MFSD1: variants seen among roughly 807,000 people sequenced by gnomAD.
MFSD1 encodes the protein major facilitator superfamily domain containing 1.
MFSD1 carries 59 observed loss-of-function variants against 67.1 expected under a neutral mutation model. The observed-to-expected ratio is 0.88, with a 90% CI of 0.71 to 1.09. The LOEUF (loss-of-function observed/expected upper bound fraction) is 1.09. Ranked by LOEUF, MFSD1 falls within the 50% of genes least tolerant of loss-of-function variation. The pLI, the probability that MFSD1 is intolerant of heterozygous loss-of-function variation, is 0.00. For synonymous variants in MFSD1, 213 were observed against 200.3 expected, an observed-to-expected ratio of 1.06 and a Z score of -0.54; for missense variants, 552 against 566.1, an observed-to-expected ratio of 0.97 and a Z score of 0.25.
At chr3:158,823,186 A>G (rs1045812864) in intron 11 of MFSD1, 28 of 445,192 alleles carry the variant, frequency 6.3e-5, no homozygotes, top group Non-Finnish European at 1.1e-4. Context: ...CCAGTTACAT[A>G]TGCATATAAT....
intron 3 of MFSD1, 100 bp from the exon 4 acceptor site, chr3:158,806,940 T>C: frequency 1.0e-6 from 1 of 993,508 alleles, no homozygotes; most frequent in Non-Finnish European, 1.5e-6. Context: ...AGTGAATTAT[T>C]ACTAAAGGAC....
At position 158,802,169 on chromosome 3, in the gene MFSD1, A is replaced by C; in HGVS notation, c.17A>C (p.Glu6Ala). MEEEDEEARALLAGGP... is the reference protein window; with the variant it reads MEEEDAEARALLAGGP... ...GCGGGCGCAATGGAGGAGGAGGATGAGGAAGCGCGGGCGCTCCTGGCAGGC... is the reference window on the plus strand; with the variant it reads ...GCGGGCGCAATGGAGGAGGAGGATGCGGAAGCGCGGGCGCTCCTGGCAGGC... Residue 6 changes from glutamate to alanine, a missense_variant, in exon 1 of 16, where the codon GAG becomes GCG. By Grantham distance (107) the Glu-to-Ala change is moderately radical (BLOSUM62 -1). Coordinates refer to ENST00000415822, the MANE Select transcript of MFSD1 (RefSeq NM_022736.4). The C allele has an allele frequency of 6.2e-7, 1 of 1,612,602 alleles. No homozygotes were observed. Among genetic ancestry groups the C allele is most frequent in the Non-Finnish European group, 8.5e-7 (1 of 1,179,644 alleles).
At position 158,829,008 on chromosome 3, in the gene MFSD1, A is replaced by C. The variant is rs759874864; in HGVS notation, c.*26A>C. On this transcript the variant is annotated 3_prime_UTR_variant, in exon 16 of 16. Transcript: ENST00000415822. ...GAAGTTAAAATGAATGTGTCATGAG[A>C]ATGGGCTTAACACATCGTTGGTTTG... 1 of 1,603,312 alleles carries C rather than the reference A, an allele frequency of 6.2e-7. No individual in the cohort carries two copies. Among genetic ancestry groups the C allele is most frequent in the Admixed American group, 1.7e-5 (1 of 58,568 alleles).
chr3:158,806,965 T>C (rs1238882161), intron 3 of MFSD1, 75 bp from the exon 4 acceptor site: 5 of 1,260,620 alleles, frequency 4.0e-6, no homozygotes, highest in Non-Finnish European at 5.6e-6. Flanking sequence ...TGATTACTAA[T>C]ACTAATGTAA....
intron 6 of MFSD1, among the ~76,000 whole-genome samples, chr3:158,811,300 C>T (rs1336328332): frequency 6.6e-6 from 1 of 152,194 alleles, no homozygotes; most frequent in Non-Finnish European, 1.5e-5. Context: ...TTTTCACATC[C>T]TTAGTTAAAG....
chr3:158,828,822 T>A (rs187645092), intron 15 of MFSD1, among the ~76,000 whole-genome samples, 157 bp from the exon 16 acceptor site: 15 of 152,248 alleles, frequency 9.9e-5, no homozygotes, highest in African/African-American at 3.6e-4. Flanking sequence ...TTGTGACTTT[T>A]AGGATCAAGA....
At chr3:158,818,626 G>A (rs1417396934) in intron 7 of MFSD1, among the ~76,000 whole-genome samples, 1 of 152,002 alleles carries the variant, frequency 6.6e-6, no homozygotes. Context: ...TTGTCTTTCT[G>A]TGTTTTATTC....
intron 7 of MFSD1, 98 bp from the exon 8 acceptor site, chr3:158,819,551 G>A: frequency 1.8e-6 from 1 of 541,252 alleles, no homozygotes; most frequent in East Asian, 3.2e-5. Context: ...CCTTTCAGTT[G>A]CTGTTTTTGC....
intron 6 of MFSD1, among the ~76,000 whole-genome samples, chr3:158,812,677 GAT>G (rs1730092312): frequency 1.3e-5 from 2 of 152,180 alleles, no homozygotes; most frequent in Non-Finnish European, 2.9e-5. Context: ...CTGTTTTGAA[GAT>G]AGAGTGAGTC....
chr3:158,817,227 T>C (rs1158990602), intron 7 of MFSD1, among the ~76,000 whole-genome samples: 1 of 152,102 alleles, frequency 6.6e-6, no homozygotes, highest in Admixed American at 6.5e-5. Flanking sequence ...CTATTCAACA[T>C]AGTGTTGGAA....
chr3:158,825,025 T>C (rs1220606053), intron 13 of MFSD1, among the ~76,000 whole-genome samples: 1 of 152,252 alleles, frequency 6.6e-6, no homozygotes, highest in Non-Finnish European at 1.5e-5. Flanking sequence ...TTTCAGACAT[T>C]AAATCATAAA....
intron 6 of MFSD1, among the ~76,000 whole-genome samples, chr3:158,813,507 G>T (rs1473515975): frequency 1.3e-5 from 2 of 152,170 alleles, no homozygotes; most frequent in Non-Finnish European, 2.9e-5. Context: ...TAGGGGCTCA[G>T]TAATTGCTGA....
intron 1 of MFSD1, 127 bp downstream of exon 1, chr3:158,802,442 C>A: frequency 9.2e-7 from 1 of 1,082,894 alleles, no homozygotes; most frequent in Non-Finnish European, 1.4e-6. Context: ...GCTCCTGGGC[C>A]TCCTTATTTT....
At position 158,802,327 on chromosome 3, in the gene MFSD1, G is replaced by A. The variant is rs1444495900; in HGVS notation, c.163+12G>A. ...CTTCCTTGGCTTTGGTGAGCCGGCCGGGTGGGTTGGGGCTGATCTTTAAGG... is the reference window on the plus strand; with the variant it reads ...CTTCCTTGGCTTTGGTGAGCCGGCCAGGTGGGTTGGGGCTGATCTTTAAGG... On this transcript the variant is annotated intron_variant, in intron 1 of 15. Coordinates refer to ENST00000415822, the MANE Select transcript of MFSD1 (RefSeq NM_022736.4). The A allele has an allele frequency of 8.7e-6, 14 of 1,607,992 alleles. No homozygotes were observed. The highest frequency in any genetic ancestry group is 2.2e-5 in the East Asian group (1 of 44,750).
At chr3:158,805,626 G>T in intron 3 of MFSD1, 152 bp downstream of exon 3, 1 of 685,488 alleles carries the variant, frequency 1.5e-6, no homozygotes. Flanking sequence ...TATATCTCTG[G>T]AGTTGGTTTT....
chr3:158,803,165 T>C (rs1190746355), intron 1 of MFSD1, among the ~76,000 whole-genome samples: 1 of 152,228 alleles, frequency 6.6e-6, no homozygotes, highest in Non-Finnish European at 1.5e-5. Flanking sequence ...TTTTCCTTCC[T>C]ATGTTACAGT....
At chr3:158,807,796 G>T (rs1729803326) in intron 5 of MFSD1, among the ~76,000 whole-genome samples, 2 of 152,228 alleles carry the variant, frequency 1.3e-5, no homozygotes, top group Non-Finnish European at 2.9e-5. Flanking sequence ...CTAGGTTGGT[G>T]ACTGATGGAC....
At chr3:158,809,126 A>T in intron 5 of MFSD1, 53 bp from the exon 6 acceptor site, 1 of 1,338,750 alleles carries the variant, frequency 7.5e-7, no homozygotes, top group Non-Finnish European at 1.0e-6. Flanking sequence ...TGCTAACTGT[A>T]GTATTTCTTT....
rs1334123814 is a variant in MFSD1, at chr3:158,827,355, A to G, written c.1394+18A>G. 3 of 1,412,056 alleles carry G rather than the reference A, an allele frequency of 2.1e-6. No individual in the cohort carries two copies. Among genetic ancestry groups the G allele is most frequent in the Admixed American group, 2.5e-5 (1 of 40,094 alleles). The allele number at this position is 1,412,056 out of a possible 1,614,324, so 87.5% of individuals were successfully genotyped here. ...CATACTGAGTAAGTATTAAAAGGGT[A>G]AAAAGTTGTCTTTATTTTTGAAATC... is the stretch of plus-strand genomic sequence containing the variant. On this transcript the variant is annotated intron_variant, in intron 15 of 15. Transcript: ENST00000415822.
Sources: allele counts gnomAD v4.1 joint callset (sites outside exome capture counted in the v4.1 genomes callset), GRCh38; gene constraint gnomAD v4.1.1; transcripts MANE v1.5; gene names NCBI Gene and HGNC (gene_info 2026-07-23, HGNC 2026-07-21).